Variants in ATRNL1 observed in about 807,000 individuals in gnomAD.
ATRNL1 encodes the protein attractin-like protein 1.
In ATRNL1, 95 loss-of-function variants were observed where a neutral mutation model predicts 182.7. That is an observed-to-expected ratio of 0.52 (90% CI 0.44 to 0.62). ATRNL1 has a LOEUF of 0.62. ATRNL1 is among the 20% of genes least tolerant of loss of function. The probability of loss-of-function intolerance (pLI) is 0.00; values close to 1 mark genes in which losing one functional copy is unlikely to be tolerated. For missense variants in ATRNL1, 1,471 were observed against 1,679.5 expected (o/e 0.88, Z 2.17); for synonymous variants, 576 against 568.3 (o/e 1.01, Z -0.19).
chr10:115,162,852 G>C (rs1345930485), intron 6 of ATRNL1, among the ~76,000 whole-genome samples: 1 of 151,790 alleles, frequency 6.6e-6, no homozygotes, highest in Non-Finnish European at 1.5e-5. Context: ...ATTATGTGAG[G>C]ATTAAGGAGT....
intron 26 of ATRNL1, among the ~76,000 whole-genome samples, chr10:115,657,369 G>A (rs1860393952): frequency 6.6e-6 from 1 of 152,118 alleles, no homozygotes; most frequent in East Asian, 1.9e-4. Flanking sequence ...CAGCATTGCA[G>A]TACAGTGACA....
rs138329015 is a variant in ATRNL1, at chr10:115,127,444, G to C, written c.492-149G>C. On this transcript the variant is annotated intron_variant, in intron 3 of 28. Transcript: ENST00000355044. The stretch of plus-strand genomic sequence containing the variant: ...ACTAATTTAGTGAGAAATGGATAGG[G>C]ACTTCTTTTAGATGTATTCTCCTTT... 1,848 of 544,478 alleles carry C rather than the reference G, an allele frequency of 3.4e-3. 22 individuals carry two copies. The highest frequency in any genetic ancestry group is 0.025 in the African/African-American group (1,245 of 50,130). 33.7% of individuals were successfully genotyped at this position (544,478 alleles called of 1,614,324 possible). A position where few individuals can be genotyped will look rare whatever the true frequency, so the allele number is the denominator to read the frequency against.
At chr10:115,797,186 A>G (rs1485886773) in intron 27 of ATRNL1, among the ~76,000 whole-genome samples, 1 of 152,148 alleles carries the variant, frequency 6.6e-6, no homozygotes, top group Non-Finnish European at 1.5e-5. Flanking sequence ...TTTATTCAAA[A>G]TGTAGTTATT....
chr10:115,526,085 A>G (rs1367606432), intron 25 of ATRNL1, among the ~76,000 whole-genome samples: 3 of 152,208 alleles, frequency 2.0e-5, no homozygotes, highest in South Asian at 2.1e-4. Context: ...GTCTTCCAGC[A>G]TAACGAAATG....
chr10:115,385,433 T>C (rs1858281948), intron 19 of ATRNL1, among the ~76,000 whole-genome samples: 1 of 152,108 alleles, frequency 6.6e-6, no homozygotes, highest in Non-Finnish European at 1.5e-5. Flanking sequence ...CTGTTAAATT[T>C]TAAGAAGTCT....
intron 26 of ATRNL1, among the ~76,000 whole-genome samples, chr10:115,685,560 T>C (rs80065036): frequency 6.6e-6 from 1 of 151,892 alleles, no homozygotes; most frequent in Non-Finnish European, 1.5e-5. Context: ...ATTCGTCTTA[T>C]GCCAAAATTA....
At chr10:115,785,134 A>G (rs374599767) in intron 27 of ATRNL1, among the ~76,000 whole-genome samples, 1 of 152,214 alleles carries the variant, frequency 6.6e-6, no homozygotes, top group Non-Finnish European at 1.5e-5. Context: ...ACCCCTCTCC[A>G]TCGGTGGATA....
chr10:115,161,102 T>C (rs1846765795), intron 6 of ATRNL1, among the ~76,000 whole-genome samples: 1 of 152,034 alleles, frequency 6.6e-6, no homozygotes, highest in South Asian at 2.1e-4. Context: ...AAATTGTTTG[T>C]TGTTTATCTG....
intron 25 of ATRNL1, among the ~76,000 whole-genome samples, chr10:115,529,511 TTAATTGAATGAGCTTC>T (rs1554987567): frequency 6.6e-6 from 1 of 151,488 alleles, no homozygotes; most frequent in East Asian, 1.9e-4. Flanking sequence ...GAGCTTCTTA[TTAATTGAATGAGCTTC>T]TAATGTTCTT....
intron 17 of ATRNL1, among the ~76,000 whole-genome samples, chr10:115,309,538 A>G (rs1853910901): frequency 6.6e-6 from 1 of 151,998 alleles, no homozygotes; most frequent in Non-Finnish European, 1.5e-5. Flanking sequence ...CAGCTGTTGT[A>G]AAAGGGGTTG....
intron 9 of ATRNL1, among the ~76,000 whole-genome samples, chr10:115,232,419 A>G (rs1193794662): frequency 6.6e-6 from 1 of 151,898 alleles, no homozygotes; most frequent in Non-Finnish European, 1.5e-5. Context: ...CCATATTGTC[A>G]TATGTAGTTG....
At chr10:115,354,929 G>A (rs1212118755) in intron 19 of ATRNL1, among the ~76,000 whole-genome samples, 14 of 151,398 alleles carry the variant, frequency 9.2e-5, no homozygotes, top group Non-Finnish European at 7.4e-5. Context: ...AAATATTTCC[G>A]TTTTTGCTTG....
At chr10:115,516,733 A>G (rs1850659381) in intron 24 of ATRNL1, among the ~76,000 whole-genome samples, 1 of 151,882 alleles carries the variant, frequency 6.6e-6, no homozygotes, top group Non-Finnish European at 1.5e-5. Flanking sequence ...TTTCATAAAC[A>G]TGTCTAACCT....
chr10:115,302,701 G>C (rs183176679), intron 17 of ATRNL1, among the ~76,000 whole-genome samples: 88 of 152,288 alleles, frequency 5.8e-4, no homozygotes, highest in African/African-American at 2.0e-3. Context: ...GGCTGCACCT[G>C]AATGAATATT....
chr10:115,203,745 A>ATTTTTTTTTTTTTTTTTTT (rs71476116), intron 8 of ATRNL1, among the ~76,000 whole-genome samples: 2 of 106,050 alleles, frequency 1.9e-5, no homozygotes. Flanking sequence ...ATGCCTGGCT[A>ATTTTTTTTTTTTTTTTTTT]TTTTTTTTTT....
intron 26 of ATRNL1, among the ~76,000 whole-genome samples, chr10:115,713,866 C>T (rs1555055531): frequency 6.6e-6 from 1 of 152,148 alleles, no homozygotes; most frequent in African/African-American, 2.4e-5. Flanking sequence ...AAGTTTGGGA[C>T]TCACTCCTCA....
At chr10:115,170,415 A>T (rs1847242577) in intron 7 of ATRNL1, among the ~76,000 whole-genome samples, 1 of 152,192 alleles carries the variant, frequency 6.6e-6, no homozygotes, top group Admixed American at 6.6e-5. Context: ...GATTTACCAA[A>T]GGTGAACTGA....
In ATRNL1 at chr10:115,841,762, A is replaced by C. The variant is rs542488145; in HGVS notation, c.3904-6115A>C. Among the ~76,000 whole-genome samples the C allele has an allele frequency of 2.0e-5, 3 of 152,068 alleles. No homozygotes were observed. In the South Asian group the frequency reaches 6.2e-4, roughly 31 times the overall value. On this transcript the variant is annotated intron_variant, in intron 27 of 28. Coordinates refer to ENST00000355044, the MANE Select transcript of ATRNL1 (RefSeq NM_207303.4). ...AAAAAGTAAATAAGGAAAGAATATG[A>C]TTTTCGCTTCCATTTTTTTCCCCAA...
At chr10:115,214,069 T>C (rs112240226) in intron 8 of ATRNL1, among the ~76,000 whole-genome samples, 1,940 of 70,252 alleles carry the variant, frequency 0.028, 32 homozygotes, top group African/African-American at 0.075. Flanking sequence ...CACACACACA[T>C]ATATATAAAC....
Sources: allele counts gnomAD v4.1 joint callset (sites outside exome capture counted in the v4.1 genomes callset), GRCh38; gene constraint gnomAD v4.1.1; transcripts MANE v1.5; gene names NCBI Gene and HGNC (gene_info 2026-07-23, HGNC 2026-07-21).